Variants in TENM2 observed in about 807,000 individuals in gnomAD.
TENM2 encodes the protein teneurin-2.
Under a neutral mutation model 245.2 loss-of-function variants are expected in TENM2, and 52 were observed. The ratio of observed to expected loss-of-function variants is 0.21; its 90% CI spans 0.17 to 0.27. TENM2 has a LOEUF of 0.27. TENM2 is among the 10% of genes least tolerant of loss of function. TENM2 has a pLI of 1.00. For missense variants in TENM2, 3,046 were observed against 3,666.8 expected, an observed-to-expected ratio of 0.83 and a Z score of 4.37; for synonymous variants, 1,363 against 1,438.9, an observed-to-expected ratio of 0.95 and a Z score of 1.19.
chr5:167,512,343 C>T (rs983313292), intron 2 of TENM2, among the ~76,000 whole-genome samples: 3 of 152,172 alleles, frequency 2.0e-5, no homozygotes, highest in Admixed American at 2.0e-4. Context: ...TAATGGGTAA[C>T]TCTGATTCTT....
chr5:167,983,722 G>A (rs1001788035), intron 4 of TENM2, among the ~76,000 whole-genome samples: 2 of 152,138 alleles, frequency 1.3e-5, no homozygotes, highest in African/African-American at 4.8e-5. Flanking sequence ...TATTTTAAAG[G>A]AAACAATTCA....
intron 7 of TENM2, among the ~76,000 whole-genome samples, chr5:168,082,969 C>G (rs779885339): frequency 1.2e-4 from 18 of 152,230 alleles, no homozygotes; most frequent in Non-Finnish European, 1.0e-4. Context: ...AAGCACTACT[C>G]TCTTCATAGC....
At chr5:167,084,099 G>A in the TENM2 span, among the ~76,000 whole-genome samples, 1 of 151,388 alleles carries the variant, frequency 6.6e-6, no homozygotes, top group South Asian at 2.1e-4. Context: ...CCTAATTTGG[G>A]TATAAGAAAT....
Position 168,218,464 on chromosome 5 carries a change from G to A in TENM2, c.4573G>A (p.Asp1525Asn). ...AGCCTCGGACTGCGACTGCAAAAAC[G>A]ATGTCAATTGCAACTGCTATTCAGG... Residue 1525 changes from aspartate to asparagine, a missense_variant, in exon 23 of 29, where the codon GAT becomes AAT. Physicochemically the swap from Asp to Asn is conservative, Grantham distance 23. Transcript: ENST00000518659. This position sits in a 1 kb window ranked among gnomAD's most constrained non-coding sequence, Gnocchi z 5.2. 6.2e-7 allele frequency: 1 copy of A among 1,614,022 alleles called. No individual in the cohort carries two copies. The highest frequency in any genetic ancestry group is 8.5e-7 in the Non-Finnish European group (1 of 1,179,896).
At chr5:167,973,806 G>A (rs924333656) in intron 4 of TENM2, among the ~76,000 whole-genome samples, 2 of 152,038 alleles carry the variant, frequency 1.3e-5, no homozygotes, top group African/African-American at 4.8e-5. Context: ...CCCAAGTCAA[G>A]GTCACCTTCT....
chr5:167,416,577 G>T (rs1445691036), intron 2 of TENM2, among the ~76,000 whole-genome samples: 1 of 152,150 alleles, frequency 6.6e-6, no homozygotes, highest in Non-Finnish European at 1.5e-5. Context: ...GCAAATATTG[G>T]CACGACACCA....
intron 2 of TENM2, among the ~76,000 whole-genome samples, chr5:167,435,101 A>G (rs1233693329): frequency 6.6e-6 from 1 of 152,206 alleles, no homozygotes; most frequent in Non-Finnish European, 1.5e-5. Context: ...TTCTTAAGCA[A>G]TTCTCCAATA....
chr5:167,770,822 C>T (rs533369568), intron 2 of TENM2, among the ~76,000 whole-genome samples: 156 of 152,198 alleles, frequency 1.0e-3, no homozygotes, highest in African/African-American at 3.6e-3. Context: ...ACACTGAATC[C>T]TGGGTCTCTA....
intron 2 of TENM2, among the ~76,000 whole-genome samples, chr5:167,486,856 T>C (rs1768108028): frequency 6.6e-6 from 1 of 152,168 alleles, no homozygotes; most frequent in African/African-American, 2.4e-5. Flanking sequence ...CTGTGTTCCA[T>C]GGACACTTGT....
intron 5 of TENM2, among the ~76,000 whole-genome samples, chr5:168,043,679 C>G (rs554220813): frequency 6.6e-6 from 1 of 152,210 alleles, no homozygotes; most frequent in Non-Finnish European, 1.5e-5. Flanking sequence ...CTCTCAGTGG[C>G]TTATAACAGT....
At chr5:167,417,743 G>C (rs1763248378) in intron 2 of TENM2, among the ~76,000 whole-genome samples, 1 of 152,020 alleles carries the variant, frequency 6.6e-6, no homozygotes, top group South Asian at 2.1e-4. Flanking sequence ...GAAGAGCCAG[G>C]GCCCAAAAGT....
At chr5:167,925,170 T>C (rs1353979484) in intron 3 of TENM2, among the ~76,000 whole-genome samples, 1 of 152,196 alleles carries the variant, frequency 6.6e-6, no homozygotes, top group Non-Finnish European at 1.5e-5. Flanking sequence ...AATAGCATCA[T>C]ACAATAGAAT....
chr5:167,895,749 G>A (rs1775165711), intron 3 of TENM2, among the ~76,000 whole-genome samples: 1 of 152,138 alleles, frequency 6.6e-6, no homozygotes, highest in Admixed American at 6.5e-5. Context: ...CACATTTTGA[G>A]AACCATTGAC....
chr5:167,961,107 T>C (rs1219119812), intron 4 of TENM2, among the ~76,000 whole-genome samples: 1 of 152,216 alleles, frequency 6.6e-6, no homozygotes, highest in Non-Finnish European at 1.5e-5. Context: ...TCTGTGTTGA[T>C]CTCACTGGGA....
intron 1 of TENM2, among the ~76,000 whole-genome samples, chr5:167,338,277 C>T (rs192405999): frequency 6.6e-6 from 1 of 152,252 alleles, no homozygotes; most frequent in Admixed American, 6.5e-5. Context: ...TTATTTATTT[C>T]CCCACCCCAT....
At chr5:167,428,652 T>A in intron 2 of TENM2, among the ~76,000 whole-genome samples, 1 of 152,208 alleles carries the variant, frequency 6.6e-6, no homozygotes, top group East Asian at 1.9e-4. Context: ...TACTGAAGGC[T>A]TGAAGGATGT....
At chr5:167,123,426 A>G in the TENM2 span, among the ~76,000 whole-genome samples, 1 of 152,154 alleles carries the variant, frequency 6.6e-6, no homozygotes, top group African/African-American at 2.4e-5. Context: ...GTTTGCTACC[A>G]TATTCTTTCT....
At chr5:167,732,124 C>T (rs1760483111) in intron 2 of TENM2, among the ~76,000 whole-genome samples, 1 of 152,126 alleles carries the variant, frequency 6.6e-6, no homozygotes, top group East Asian at 1.9e-4. Flanking sequence ...TGGAACTGAG[C>T]TCTGAATCCA....
chr5:167,380,029 A>G (rs1046163992), intron 2 of TENM2, among the ~76,000 whole-genome samples: 9 of 151,972 alleles, frequency 5.9e-5, no homozygotes, highest in African/African-American at 2.2e-4. Flanking sequence ...TGTACATTTA[A>G]AAGAATACCA....
Sources: gnomAD v4.1 joint callset for allele counts (sites outside exome capture counted in the v4.1 genomes callset) on GRCh38, gnomAD v4.1.1 for gene constraint, Gnocchi (gnomAD v3.1) non-coding constraint, MANE v1.5 for transcripts, NCBI Gene and HGNC (gene_info 2026-07-23, HGNC 2026-07-21) for gene names.